The following NXNL1 variants were observed in gnomAD, a reference collection of about 807,000 sequenced individuals.
The protein encoded by NXNL1 is nucleoredoxin like 1, also known as nucleoredoxin-like protein 1.
A neutral mutation model predicts 7.2 loss-of-function variants in NXNL1; 6 were observed. That is an observed-to-expected ratio of 0.83 (90% CI 0.46 to 1.64). The LOEUF (loss-of-function observed/expected upper bound fraction) is 1.64. Among genes scored for constraint, NXNL1 ranks in the 40% most tolerant of loss-of-function variants. The pLI, the probability that NXNL1 is intolerant of heterozygous loss-of-function variation, is 0.01. For missense variants in NXNL1, 308 were observed against 285.1 expected (o/e 1.08, Z -0.58); for synonymous variants, 133 against 127.2 (o/e 1.05, Z -0.31).
In NXNL1 at chr19:17,456,574, G is replaced by A. The variant is rs78710455; in HGVS notation, c.327-615C>T. On this transcript the variant is annotated intron_variant, in intron 1 of 1. Transcript: ENST00000301944. The stretch of plus-strand genomic sequence containing the variant: ...AGTGCCTTTCAGCACCCAACATCAT[G>A]TATGGTTTTTAAAATTTCTCCTGCT... Among the ~76,000 whole-genome samples the A allele has an allele frequency of 5.0e-3, 765 of 152,138 alleles. 4 individuals are homozygous for A. The highest frequency in any genetic ancestry group is 0.018 in the African/African-American group (728 of 41,526).
intron 1 of NXNL1, among the ~76,000 whole-genome samples, chr19:17,459,086 C>T (rs2075003833): frequency 6.6e-6 from 1 of 151,936 alleles, no homozygotes; most frequent in South Asian, 2.1e-4. Context: ...AAGCTTGAAT[C>T]CGACTACCTC....
rs2074988761 is a variant in NXNL1 at position 17,455,556 on chromosome 19, C to T, written c.*91G>A. 2.5e-6 allele frequency: 2 copies of T among 793,726 alleles called. No homozygotes were observed. Among genetic ancestry groups the T allele is most frequent in the South Asian group, 1.8e-5 (1 of 55,570 alleles). 49.2% of individuals were successfully genotyped at this position (793,726 alleles called of 1,614,324 possible). A position where few individuals can be genotyped will look rare whatever the true frequency, so the allele number is the denominator to read the frequency against. ...GCTCAAGCGATCCTCCCGCCTTGGC[C>T]TCCCCAAGTGCTGGGATTACAGGCG... On this transcript the variant is annotated 3_prime_UTR_variant, in exon 2 of 2. Coordinates refer to ENST00000301944, the MANE Select transcript of NXNL1 (RefSeq NM_138454.2).
Position 17,455,883 on chromosome 19 carries a change from G to C in NXNL1, c.403C>G (p.Arg135Gly), listed in dbSNP as rs759947009. Residue 135 changes from arginine (R) to glycine (G), a missense_variant, in exon 2 of 2, where the codon CGC (arginine) becomes GGC (glycine). Arg to Gly is a moderately radical substitution (Grantham distance 125). Transcript: ENST00000301944. ...VLKPDGDVLT[R>G]DGADEIQRLG... ...CGCTGGATCTCGTCGGCGCCGTCGC[G>C]AGTGAGCACGTCCCCGTCCGGCTTG... 2 of 1,592,146 alleles carry C rather than the reference G, an allele frequency of 1.3e-6. No individual in the cohort carries two copies. Among genetic ancestry groups the C allele is most frequent in the East Asian group, 4.5e-5 (2 of 44,622 alleles).
intron 1 of NXNL1, among the ~76,000 whole-genome samples, chr19:17,460,156 G>A (rs926726715): frequency 2.7e-5 from 4 of 150,722 alleles, no homozygotes; most frequent in African/African-American, 7.5e-5. Context: ...GATTACAGGC[G>A]CCCACCACCA....
intron 1 of NXNL1, among the ~76,000 whole-genome samples, chr19:17,456,669 G>A (rs1388154179): frequency 6.6e-6 from 1 of 151,918 alleles, no homozygotes; most frequent in East Asian, 2.0e-4. Flanking sequence ...ATCACCGGAG[G>A]CCAGGAGTTC....
intron 1 of NXNL1, among the ~76,000 whole-genome samples, chr19:17,459,963 T>A (rs55854503): frequency 6.6e-6 from 1 of 151,976 alleles, no homozygotes; most frequent in Non-Finnish European, 1.5e-5. Context: ...ATTTCCACTT[T>A]GTGGCCTAGC....
At chr19:17,457,329 TTATAC>T (rs1220304919) in intron 1 of NXNL1, among the ~76,000 whole-genome samples, 1 of 152,164 alleles carries the variant, frequency 6.6e-6, no homozygotes, top group African/African-American at 2.4e-5. Context: ...TGGGACATAC[TTATAC>T]TAAAGAAAGA....
At position 17,455,796 on chromosome 19, in the gene NXNL1, G is replaced by T. The variant is rs201159027; in HGVS notation, c.490C>A (p.Gln164Lys). The T allele has an allele frequency of 6.8e-5, 106 of 1,563,998 alleles. No individual in the cohort carries two copies. Among genetic ancestry groups the T allele is most frequent in the Non-Finnish European group, 6.4e-5 (74 of 1,159,832 alleles). Residue 164 changes from glutamine (Q) to lysine (K), a missense_variant, in exon 2 of 2, where the codon CAG becomes AAG. Gln to Lys is a moderately conservative substitution (Grantham distance 53). Transcript: ENST00000301944. ...EAAEVLDRNF[Q>K]LPEDLEDQEP... ...TGGTCCTCCAGGTCCTCTGGCAGCTGGAAGTTGCGGTCCAGCACCTCGGCC... is the reference window on the plus strand; with the variant it reads ...TGGTCCTCCAGGTCCTCTGGCAGCTTGAAGTTGCGGTCCAGCACCTCGGCC...
Position 17,460,572 on chromosome 19 carries a change from A to C in NXNL1, c.298T>G (p.Phe100Val). The change falls in exon 1 of 2, where the codon TTC becomes GTC. Residue 100 changes from phenylalanine to valine, a missense_variant. Physicochemically the swap from Phe to Val is conservative, Grantham distance 50. Coordinates refer to ENST00000301944, the MANE Select transcript of NXNL1 (RefSeq NM_138454.2). ...CTCAGATCATCCTCAAAGGGCAGGAAAAGCCATTTCTTTGGCATGTCCTTG... is the reference window on the plus strand; with the variant it reads ...CTCAGATCATCCTCAAAGGGCAGGACAAGCCATTTCTTTGGCATGTCCTTG... ...FLKDMPKKWLFLPFEDDLRRD... is the reference protein window; with the variant it reads ...FLKDMPKKWLVLPFEDDLRRD... 1 of 1,602,860 alleles carries C rather than the reference A, an allele frequency of 6.2e-7. No homozygotes were observed.
At chr19:17,456,506 G>A (rs868120518) in intron 1 of NXNL1, among the ~76,000 whole-genome samples, 6 of 151,546 alleles carry the variant, frequency 4.0e-5, no homozygotes, top group Admixed American at 6.6e-5. Flanking sequence ...ATCCTGTCTC[G>A]AAAATAGAAT....
rs150719211 is a variant in NXNL1 at position 17,460,680 on chromosome 19, C to T, written c.190G>A (p.Glu64Lys). ...LKDFFVRLTD[E>K]FYVLRAAQLA... ...TGAGCCGCCCGCAGTACATAGAACT[C>T]ATCTGTGAGCCGCACGAAGAAGTCC... Residue 64 changes from glutamate to lysine, a missense_variant, in exon 1 of 2, where the codon GAG (glutamate) becomes AAG (lysine). Glu to Lys is a moderately conservative substitution (Grantham distance 56, BLOSUM62 1). Transcript: ENST00000301944. 3.0e-3 allele frequency: 4,788 copies of T among 1,613,798 alleles called. 19 individuals are homozygous for T. The highest frequency in any genetic ancestry group is 3.9e-3 in the Non-Finnish European group (4,593 of 1,180,036).
rs374141772 is a variant in NXNL1, at chr19:17,460,621, C to T, written c.249G>A (p.Thr83=). 1.1e-5 allele frequency: 18 copies of T among 1,611,502 alleles called. No homozygotes were observed. Among genetic ancestry groups the T allele is most frequent in the East Asian group, 2.2e-5 (1 of 44,882 alleles). The part of the protein sequence containing the change: ...LALVYVSQDS[T]EEQQDLFLKD... Reference sequence around the variant, plus strand: ...TGAGGAACAGGTCCTGCTGCTCCTCCGTGGAGTCCTGGGACACGTACACCA... The same window carrying T: ...TGAGGAACAGGTCCTGCTGCTCCTCTGTGGAGTCCTGGGACACGTACACCA... The change falls in exon 1 of 2, where the codon ACG becomes ACA. Residue 83 remains threonine, a synonymous_variant. Coordinates refer to ENST00000301944, the MANE Select transcript of NXNL1 (RefSeq NM_138454.2).
In NXNL1 at chr19:17,460,690, C is replaced by T; in HGVS notation, c.180G>A (p.Arg60=). The part of the protein sequence containing the change: ...FVPILKDFFV[R]LTDEFYVLRA... ...GCAGTACATAGAACTCATCTGTGAG[C>T]CGCACGAAGAAGTCCTTGAGGATGG... is the stretch of plus-strand genomic sequence containing the variant. Residue 60 remains arginine, a synonymous_variant, in exon 1 of 2, where the codon CGG becomes CGA. Transcript: ENST00000301944. The T allele has an allele frequency of 6.2e-7, 1 of 1,613,800 alleles. No individual in the cohort carries two copies. The highest frequency in any genetic ancestry group is 8.5e-7 in the Non-Finnish European group (1 of 1,180,030).
chr19:17,460,642 C>T lies in NXNL1; in HGVS notation c.228G>A (p.Val76=), dbSNP rs748742099. The T allele has an allele frequency of 2.0e-5, 33 of 1,613,002 alleles. No individual in the cohort carries two copies. In the African/African-American group the frequency reaches 2.8e-4, roughly 14 times the overall value. ...CCTCCGTGGAGTCCTGGGACACGTA[C>T]ACCAGGGCCAGCTGAGCCGCCCGCA... The part of the protein sequence containing the change: ...YVLRAAQLAL[V]YVSQDSTEEQ... The change falls in exon 1 of 2, where the codon GTG becomes GTA. Residue 76 remains valine (V), a synonymous_variant. Transcript: ENST00000301944.
At chr19:17,459,105 T>C (rs2075003905) in intron 1 of NXNL1, among the ~76,000 whole-genome samples, 2 of 152,216 alleles carry the variant, frequency 1.3e-5, no homozygotes, top group South Asian at 4.1e-4. Flanking sequence ...TCTCCCTCTG[T>C]TCTAATGTCC....
chr19:17,455,676 C>CAA lies in NXNL1; in HGVS notation c.609_610insTT (p.Glu204LeufsTer61). Reference sequence around the variant, plus strand: ...AACAGCCCCCCGGCCCCGCCCTCCTCCCCACCCCCTCCCCCGGGGTCGCGC... The same window carrying CAA: ...AACAGCCCCCCGGCCCCGCCCTCCTCAACCCACCCCCTCCCCCGGGGTCGCGC... On this transcript the variant is annotated frameshift_variant, in exon 2 of 2. Transcript: ENST00000301944. LOFTEE classifies it high-confidence loss of function. 1 of 1,244,384 alleles carries CAA rather than the reference C, an allele frequency of 8.0e-7. No homozygotes were observed. Among genetic ancestry groups the CAA allele is most frequent in the African/African-American group, 1.5e-5 (1 of 66,468 alleles). 77.1% of individuals were successfully genotyped at this position (1,244,384 alleles called of 1,614,324 possible).
Position 17,455,674 on chromosome 19 carries a change from C to CCCA in NXNL1, c.611_612insTGG (p.Glu204delinsAspGly). The CCCA allele has an allele frequency of 1.4e-5, 16 of 1,151,432 alleles. No individual in the cohort carries two copies. Among genetic ancestry groups the CCCA allele is most frequent in the Non-Finnish European group, 2.0e-5 (16 of 815,612 alleles). 71.3% of individuals were successfully genotyped at this position (1,151,432 alleles called of 1,614,324 possible). ...AGAACAGCCCCCCGGCCCCGCCCTCCTCCCCACCCCCTCCCCCGGGGTCGC... is the reference window on the plus strand; with the variant it reads ...AGAACAGCCCCCCGGCCCCGCCCTCCCCATCCCCACCCCCTCCCCCGGGGTCGC... On this transcript the variant is annotated protein_altering_variant, in exon 2 of 2. Transcript: ENST00000301944.
chr19:17,460,463 C>A, intron 1 of NXNL1, 81 bp downstream of exon 1: 1 of 1,447,292 alleles, frequency 6.9e-7, no homozygotes, highest in South Asian at 1.3e-5. Flanking sequence ...AGGGGCTGCT[C>A]ATTCACTCTA....
At chr19:17,457,394 C>G (rs2074997257) in intron 1 of NXNL1, among the ~76,000 whole-genome samples, 1 of 151,666 alleles carries the variant, frequency 6.6e-6, no homozygotes, top group Non-Finnish European at 1.5e-5. Flanking sequence ...TTTTTAGAGA[C>G]AGAGCCTCCA....
Sources: allele counts gnomAD v4.1 joint callset (sites outside exome capture counted in the v4.1 genomes callset), GRCh38; gene constraint gnomAD v4.1.1; transcripts MANE v1.5; gene names NCBI Gene and HGNC (gene_info 2026-07-23, HGNC 2026-07-21).